ADCY2: variants seen among roughly 807,000 people sequenced by gnomAD.
The protein encoded by ADCY2 is adenylate cyclase 2.
In ADCY2, 31 loss-of-function variants were observed where a neutral mutation model predicts 125.2. The ratio of observed to expected loss-of-function variants is 0.25; its 90% CI spans 0.19 to 0.33. ADCY2 has a LOEUF of 0.33. ADCY2 is among the 10% of genes least tolerant of loss of function. The pLI, the probability that ADCY2 is intolerant of heterozygous loss-of-function variation, is 1.00. For missense variants in ADCY2, 904 were observed against 1,418.2 expected, an observed-to-expected ratio of 0.64 and a Z score of 5.82; for synonymous variants, 512 against 548.4, an observed-to-expected ratio of 0.93 and a Z score of 0.93.
chr5:7,597,892 C>T (rs543348406), intron 3 of ADCY2, among the ~76,000 whole-genome samples: 1 of 152,314 alleles, frequency 6.6e-6, no homozygotes, highest in Admixed American at 6.5e-5. Flanking sequence ...GTACCTTGCC[C>T]TGTGCTTGGG....
At chr5:7,608,355 G>A (rs1323466629) in intron 3 of ADCY2, among the ~76,000 whole-genome samples, 1 of 152,142 alleles carries the variant, frequency 6.6e-6, no homozygotes, top group Non-Finnish European at 1.5e-5. Flanking sequence ...GCCAAGGCGG[G>A]CAGATTGCTT....
intron 12 of ADCY2, among the ~76,000 whole-genome samples, chr5:7,724,213 A>G (rs1303009259): frequency 6.6e-6 from 1 of 151,716 alleles, no homozygotes; most frequent in Non-Finnish European, 1.5e-5. Flanking sequence ...AAGGAATCAA[A>G]TTATTGATGT....
Position 7,634,188 on chromosome 5 carries a change from A to G in ADCY2, c.720+7872A>G, listed in dbSNP as rs184718770. ...AAAATGTTAAAGTTACTGATCATGCATATTTAATAGTATATTACCATGAGC... is the reference window on the plus strand; with the variant it reads ...AAAATGTTAAAGTTACTGATCATGCGTATTTAATAGTATATTACCATGAGC... On this transcript the variant is annotated intron_variant, in intron 4 of 24. Transcript: ENST00000338316. Among the ~76,000 whole-genome samples the G allele has an allele frequency of 1.1e-3, 172 of 152,288 alleles. 1 individual carries two copies. Among genetic ancestry groups the G allele is most frequent in the Admixed American group, 2.8e-3 (43 of 15,304 alleles).
intron 14 of ADCY2, among the ~76,000 whole-genome samples, chr5:7,731,145 G>T (rs369355016): frequency 2.0e-5 from 3 of 151,642 alleles, no homozygotes; most frequent in African/African-American, 7.3e-5. Context: ...TAATCTTTAT[G>T]ATTATTGTTT....
chr5:7,635,807 T>C (rs1183869016), intron 4 of ADCY2, among the ~76,000 whole-genome samples: 1 of 152,130 alleles, frequency 6.6e-6, no homozygotes, highest in Non-Finnish European at 1.5e-5. Flanking sequence ...CTGAGAAAAA[T>C]CAACCAGTTA....
At chr5:7,674,326 T>A (rs1479227664) in intron 4 of ADCY2, among the ~76,000 whole-genome samples, 3 of 152,100 alleles carry the variant, frequency 2.0e-5, no homozygotes, top group Non-Finnish European at 4.4e-5. Flanking sequence ...TTTACGTACT[T>A]AGTGCTCTAT....
At position 7,816,899 on chromosome 5, in the gene ADCY2, A is replaced by G. The variant is rs1351243799; in HGVS notation, c.2917A>G (p.Met973Val). 1 of 1,614,066 alleles carries G rather than the reference A, an allele frequency of 6.2e-7. No homozygotes were observed. Among genetic ancestry groups the G allele is most frequent in the East Asian group, 2.2e-5 (1 of 44,892 alleles). ...GCGGCAGTACATGCACATTGGCACC[A>G]TGGTGGAGTTTGCTTTTGCCCTGGT... ...PERQYMHIGT[M>V]VEFAFALVGK... Residue 973 changes from methionine (M) to valine (V), a missense_variant, in exon 23 of 25, where the codon ATG (methionine) becomes GTG (valine). Met to Val is a conservative substitution (Grantham distance 21). This residue lies in a region of ADCY2 where 181 missense variants were observed against 381.6 expected (regional missense o/e 0.47). Coordinates refer to ENST00000338316, the MANE Select transcript of ADCY2 (RefSeq NM_020546.3).
intron 2 of ADCY2, among the ~76,000 whole-genome samples, chr5:7,476,489 G>A (rs1742530441): frequency 6.6e-6 from 1 of 152,170 alleles, no homozygotes; most frequent in East Asian, 1.9e-4. Context: ...AAGTCAAAAT[G>A]TAGCCCTGGA....
At chr5:7,624,672 A>C (rs1738065352) in intron 3 of ADCY2, among the ~76,000 whole-genome samples, 1 of 152,254 alleles carries the variant, frequency 6.6e-6, no homozygotes, top group Non-Finnish European at 1.5e-5. Context: ...GTCCTGTCAC[A>C]AGGAACCTTG....
intron 4 of ADCY2, among the ~76,000 whole-genome samples, chr5:7,667,879 A>G (rs1226848247): frequency 6.6e-6 from 1 of 152,192 alleles, no homozygotes; most frequent in Non-Finnish European, 1.5e-5. Flanking sequence ...AGGTGATGCC[A>G]TGGTGATCTG....
At chr5:7,754,694 G>T (rs571931644) in intron 15 of ADCY2, among the ~76,000 whole-genome samples, 1 of 141,634 alleles carries the variant, frequency 7.1e-6, no homozygotes, top group East Asian at 2.1e-4. Context: ...AAGTAGTTGC[G>T]GTTTAAAGGT....
At chr5:7,488,742 A>G (rs1243331044) in intron 2 of ADCY2, among the ~76,000 whole-genome samples, 1 of 152,160 alleles carries the variant, frequency 6.6e-6, no homozygotes, top group Admixed American at 6.5e-5. Context: ...CCTTCCCACG[A>G]GGCCAGTGTC....
intron 14 of ADCY2, among the ~76,000 whole-genome samples, chr5:7,739,607 T>C (rs112952037): frequency 2.0e-5 from 3 of 151,632 alleles, no homozygotes; most frequent in East Asian, 1.9e-4. Context: ...TAGTGAAAAT[T>C]AATAAAGCCA....
At chr5:7,653,732 A>G (rs1739184253) in intron 4 of ADCY2, among the ~76,000 whole-genome samples, 1 of 152,252 alleles carries the variant, frequency 6.6e-6, no homozygotes, top group Admixed American at 6.5e-5. Flanking sequence ...ACTGATCTAA[A>G]TGAGAAATAT....
intron 22 of ADCY2, among the ~76,000 whole-genome samples, chr5:7,808,368 C>G (rs1253771978): frequency 6.6e-6 from 1 of 152,166 alleles, no homozygotes; most frequent in Non-Finnish European, 1.5e-5. Context: ...CATCTGTGCC[C>G]AGTCCACCTC....
chr5:7,396,825 G>C lies in ADCY2; in HGVS notation c.210+319G>C, dbSNP rs1579400857. 6.6e-6 allele frequency among the ~76,000 whole-genome samples: 1 copy of C among 152,168 alleles called. No individual in the cohort carries two copies. Among genetic ancestry groups the C allele is most frequent in the African/African-American group, 2.4e-5 (1 of 41,448 alleles). ...CCCGCTGGCAAACTCTGCGCTTTCC[G>C]CCGGGCACCGCTGCCCGCAGCGCTG... On this transcript the variant is annotated intron_variant, in intron 1 of 24. Coordinates refer to ENST00000338316, the MANE Select transcript of ADCY2 (RefSeq NM_020546.3). The surrounding 1 kb of genome is among the most constrained non-coding windows in gnomAD (Gnocchi z 5.7).
rs1305408891 is a variant in ADCY2, at chr5:7,709,789, A to G, written c.1578+402A>G. On this transcript the variant is annotated intron_variant, in intron 10 of 24. Coordinates refer to ENST00000338316, the MANE Select transcript of ADCY2 (RefSeq NM_020546.3). The surrounding 1 kb of genome is among the most constrained non-coding windows in gnomAD (Gnocchi z 4.4). ...GTAGTATCATCAAGCCCATTTCTTC[A>G]TTGCCCAAATGTCCAGGCTGTGTGG... 2.0e-5 allele frequency among the ~76,000 whole-genome samples: 3 copies of G among 152,200 alleles called. No individual in the cohort carries two copies. The highest frequency in any genetic ancestry group is 4.8e-5 in the African/African-American group (2 of 41,450).
chr5:7,611,353 A>G (rs1253865306), intron 3 of ADCY2, among the ~76,000 whole-genome samples: 1 of 152,220 alleles, frequency 6.6e-6, no homozygotes, highest in Non-Finnish European at 1.5e-5. Context: ...ATACCAAAAA[A>G]ACTTCATTAG....
At position 7,396,522 on chromosome 5, in the gene ADCY2, G is replaced by A; in HGVS notation, c.210+16G>A. On this transcript the variant is annotated intron_variant, in intron 1 of 24. Transcript: ENST00000338316. This position sits in a 1 kb window ranked among gnomAD's most constrained non-coding sequence, Gnocchi z 5.7. ...GCTCGGGCTGGTGAGTGGCCTCCCC[G>A]CGGGTCCAGCGCCGCGCCTTCCCCG... is the stretch of plus-strand genomic sequence containing the variant. The A allele has an allele frequency of 6.4e-7, 1 of 1,550,988 alleles. No individual in the cohort carries two copies. Among genetic ancestry groups the A allele is most frequent in the Non-Finnish European group, 8.7e-7 (1 of 1,150,460 alleles).
Sources: allele counts gnomAD v4.1 joint callset (sites outside exome capture counted in the v4.1 genomes callset), GRCh38; gene constraint gnomAD v4.1.1; regional missense constraint gnomAD v4.1.1; non-coding constraint Gnocchi (gnomAD v3.1); transcripts MANE v1.5; gene names NCBI Gene and HGNC (gene_info 2026-07-23, HGNC 2026-07-21).